NRXN3: variants seen among roughly 807,000 people sequenced by gnomAD.
NRXN3 encodes neurexin III.
NRXN3 carries 32 observed loss-of-function variants against 137.6 expected under a neutral mutation model. The observed-to-expected ratio is 0.23, with a 90% CI of 0.18 to 0.31. The LOEUF is 0.31. NRXN3 is among the 10% of genes least tolerant of loss of function. The pLI, the probability that NRXN3 is intolerant of heterozygous loss-of-function variation, is 1.00. For missense variants in NRXN3, 1,574 were observed against 2,062.5 expected (o/e 0.76, Z 4.59); for synonymous variants, 798 against 784.5 (o/e 1.02, Z -0.29).
Position 78,968,262 on chromosome 14 carries a change from G to A in NRXN3, c.3058G>A (p.Ala1020Thr). The change falls in exon 14 of 21, where the codon GCA (alanine) becomes ACA (threonine). Residue 1020 changes from alanine to threonine, a missense_variant. Physicochemically the swap from Ala to Thr is moderately conservative, Grantham distance 58. Coordinates refer to ENST00000335750, the MANE Select transcript of NRXN3 (RefSeq NM_001330195.2). ...TCGAGATGGCTTTCAGGGCTGTCTA[G>A]CATCAGTGGACTTGAATGGACGCCT... is the stretch of plus-strand genomic sequence containing the variant. ...ASRDGFQGCL[A>T]SVDLNGRLPD... 6.2e-7 allele frequency: 1 copy of A among 1,614,084 alleles called. No individual in the cohort carries two copies. The highest frequency in any genetic ancestry group is 8.5e-7 in the Non-Finnish European group (1 of 1,179,996).
rs1051777337 is a variant in NRXN3 at position 79,564,752 on chromosome 14, A to G, written c.3444+97350A>G. Among the ~76,000 whole-genome samples, 3 of 152,164 alleles carry G rather than the reference A, an allele frequency of 2.0e-5. No individual in the cohort carries two copies. The South Asian group carries it at 6.2e-4, about 32-fold the overall frequency. ...CCACCTAATAACCAGGTATTTTTATAGAATTTTAATGCTTGTGTTGAGTTG... is the reference window on the plus strand; with the variant it reads ...CCACCTAATAACCAGGTATTTTTATGGAATTTTAATGCTTGTGTTGAGTTG... On this transcript the variant is annotated intron_variant, in intron 16 of 20. Transcript: ENST00000335750.
intron 15 of NRXN3, among the ~76,000 whole-genome samples, chr14:78,996,720 G>A (rs946507902): frequency 6.6e-6 from 1 of 152,178 alleles, no homozygotes; most frequent in African/African-American, 2.4e-5. Context: ...GTCCTGAGAA[G>A]TCAGTGAGGC....
At chr14:79,141,616 C>T (rs1170617852) in intron 15 of NRXN3, among the ~76,000 whole-genome samples, 2 of 152,120 alleles carry the variant, frequency 1.3e-5, no homozygotes, top group African/African-American at 4.8e-5. Flanking sequence ...GAACTCCAGT[C>T]TTTTAGGCCA....
intron 15 of NRXN3, among the ~76,000 whole-genome samples, chr14:79,070,286 G>A (rs1302787260): frequency 2.0e-5 from 3 of 152,170 alleles, no homozygotes; most frequent in African/African-American, 7.2e-5. Context: ...ATGGTAAAAG[G>A]AAGGGGTGAG....
intron 4 of NRXN3, chr14:78,403,697 C>T (rs950652341): frequency 1.0e-6 from 1 of 985,162 alleles, no homozygotes; most frequent in Admixed American, 6.2e-5. Context: ...AAGGCAGCTT[C>T]CTGCACACTG....
intron 16 of NRXN3, among the ~76,000 whole-genome samples, chr14:79,635,595 T>C (rs2098397765): frequency 6.6e-6 from 1 of 152,228 alleles, no homozygotes; most frequent in African/African-American, 2.4e-5. Context: ...TGCCTCTTCA[T>C]AGCTTCTGGT....
intron 15 of NRXN3, among the ~76,000 whole-genome samples, chr14:79,094,960 G>GAA (rs2049965095): frequency 1.3e-5 from 1 of 79,262 alleles, no homozygotes; most frequent in Non-Finnish European, 3.0e-5. Flanking sequence ...GAGAGAGAGA[G>GAA]AGAGAGAGAG....
intron 3 of NRXN3, among the ~76,000 whole-genome samples, chr14:78,281,779 A>G (rs2074444174): frequency 6.6e-6 from 1 of 152,158 alleles, no homozygotes; most frequent in African/African-American, 2.4e-5. Context: ...AGGGAGCTTC[A>G]GTAACTTGCC....
intron 4 of NRXN3, among the ~76,000 whole-genome samples, chr14:78,602,693 T>G (rs2097212130): frequency 6.6e-6 from 1 of 152,152 alleles, no homozygotes; most frequent in African/African-American, 2.4e-5. Flanking sequence ...AAATTCCTAC[T>G]CTGATTTCTC....
chr14:79,481,615 G>A (rs566297870), intron 16 of NRXN3, among the ~76,000 whole-genome samples: 1 of 152,340 alleles, frequency 6.6e-6, no homozygotes, highest in Admixed American at 6.5e-5. Flanking sequence ...TTATGGGAAT[G>A]TAACAACCCA....
chr14:78,303,244 T>C (rs2077044678), intron 4 of NRXN3, among the ~76,000 whole-genome samples: 1 of 152,184 alleles, frequency 6.6e-6, no homozygotes, highest in African/African-American at 2.4e-5. Context: ...ATTTCATTTC[T>C]TATGTGATAT....
At chr14:79,412,491 T>C (rs192156734) in intron 15 of NRXN3, among the ~76,000 whole-genome samples, 1 of 151,952 alleles carries the variant, frequency 6.6e-6, no homozygotes, top group Non-Finnish European at 1.5e-5. Context: ...ATTAAAAAGC[T>C]AGGATCAGCT....
intron 10 of NRXN3, among the ~76,000 whole-genome samples, chr14:78,897,826 C>T (rs570986854): frequency 5.9e-4 from 90 of 151,984 alleles, no homozygotes; most frequent in African/African-American, 2.1e-3. Context: ...AAATTCCTTG[C>T]TTGGTTTTGT....
intron 10 of NRXN3, among the ~76,000 whole-genome samples, chr14:78,955,739 A>G (rs1432643222): frequency 1.3e-5 from 2 of 152,198 alleles, no homozygotes; most frequent in African/African-American, 2.4e-5. Flanking sequence ...AGTTCCTCCA[A>G]ACTTGAACTA....
chr14:78,236,988 G>A (rs2066405103), intron 1 of NRXN3, among the ~76,000 whole-genome samples: 1 of 152,192 alleles, frequency 6.6e-6, no homozygotes, highest in Admixed American at 6.5e-5. Flanking sequence ...TGTGGTGTCT[G>A]GAGGGGTACA....
chr14:78,934,755 A>T (rs1200398560), intron 10 of NRXN3, among the ~76,000 whole-genome samples: 1 of 152,106 alleles, frequency 6.6e-6, no homozygotes, highest in East Asian at 1.9e-4. Flanking sequence ...GTGGGAATTG[A>T]ACAGTGAGAA....
At chr14:78,828,132 C>T (rs2098972136) in intron 10 of NRXN3, among the ~76,000 whole-genome samples, 1 of 152,136 alleles carries the variant, frequency 6.6e-6, no homozygotes, top group Admixed American at 6.6e-5. Context: ...TTAGCTTTCC[C>T]TTCTAAATCA....
intron 16 of NRXN3, among the ~76,000 whole-genome samples, chr14:79,519,851 T>TA (rs1018596177): frequency 2.0e-5 from 3 of 151,874 alleles, no homozygotes; most frequent in African/African-American, 7.2e-5. Flanking sequence ...TGTGGATTCT[T>TA]AAAAAGATTT....
At chr14:79,269,141 C>T (rs1056745158) in intron 15 of NRXN3, among the ~76,000 whole-genome samples, 19 of 152,262 alleles carry the variant, frequency 1.2e-4, no homozygotes, top group Admixed American at 1.1e-3. Flanking sequence ...GCTCCGCCTC[C>T]CGGGTTCACG....
Sources: allele counts gnomAD v4.1 joint callset (sites outside exome capture counted in the v4.1 genomes callset), GRCh38; gene constraint gnomAD v4.1.1; transcripts MANE v1.5; gene names NCBI Gene and HGNC (gene_info 2026-07-23, HGNC 2026-07-21).